The following VDAC3 variants were observed in gnomAD, a reference collection of about 807,000 sequenced individuals.
The protein encoded by VDAC3 is non-selective voltage-gated ion channel VDAC3.
In VDAC3, 7 loss-of-function variants were observed where a neutral mutation model predicts 33.9. That is an observed-to-expected ratio of 0.21 (90% CI 0.12 to 0.39). The LOEUF is 0.39. Ranked by LOEUF, VDAC3 falls within the 10% of genes least tolerant of loss-of-function variation. VDAC3 has a pLI of 1.00. For missense variants in VDAC3, 261 were observed against 334.5 expected, an observed-to-expected ratio of 0.78 and a Z score of 1.71; for synonymous variants, 100 against 122.4, an observed-to-expected ratio of 0.82 and a Z score of 1.21.
At position 42,398,860 on chromosome 8, in the gene VDAC3, A is replaced by G. The variant is rs983603854; in HGVS notation, c.266A>G (p.Asn89Ser). ...NTLGTEISWE[N>S]KLAEGLKLTL... is the part of the protein sequence containing the mutation. ...CTAGGGACAGAAATCTCTTGGGAGA[A>G]TAAGGTAAGAGAACGCATTAGAAGT... The change falls in exon 5 of 10, where the codon AAT (asparagine) becomes AGT (serine). Residue 89 changes from asparagine (N) to serine (S), a missense_variant. Transcript: ENST00000022615. The G allele has an allele frequency of 6.2e-7, 1 of 1,613,500 alleles. No homozygotes were observed. The highest frequency in any genetic ancestry group is 8.5e-7 in the Non-Finnish European group (1 of 1,179,896).
Position 42,405,431 on chromosome 8 carries a change from A to G in VDAC3, c.821A>G (p.Lys274Arg), listed in dbSNP as rs1424777554. The G allele has an allele frequency of 1.2e-6, 2 of 1,612,494 alleles. No individual in the cohort carries two copies. Among genetic ancestry groups the G allele is most frequent in the Admixed American group, 1.7e-5 (1 of 60,028 alleles). ...DGKNFSAGGH[K>R]VGLGFELEA ...AAGAACTTCAGTGCAGGAGGTCACA[A>G]GGTTGGCTTGGGATTTGAACTGGAA... The change falls in exon 10 of 10, where the codon AAG becomes AGG. Residue 274 changes from lysine to arginine, a missense_variant. Coordinates refer to ENST00000022615, the MANE Select transcript of VDAC3 (RefSeq NM_005662.7).
At chr8:42,404,752 C>T in intron 8 of VDAC3, 115 bp from the exon 9 acceptor site, 9 of 535,866 alleles carry the variant, frequency 1.7e-5, no homozygotes, top group Admixed American at 3.9e-5. Flanking sequence ...ATCAGTAATT[C>T]TAGATTGGCC....
intron 6 of VDAC3, among the ~76,000 whole-genome samples, chr8:42,401,010 A>G (rs893446837): frequency 6.6e-6 from 1 of 151,912 alleles, no homozygotes; most frequent in African/African-American, 2.4e-5. Flanking sequence ...GTTATTAAGA[A>G]CTAATTTCAT....
At chr8:42,395,614 G>T (rs1296262253) in intron 4 of VDAC3, among the ~76,000 whole-genome samples, 1 of 152,072 alleles carries the variant, frequency 6.6e-6, no homozygotes, top group Non-Finnish European at 1.5e-5. Flanking sequence ...TTTTTTATTG[G>T]AAGTAAAGAC....
At chr8:42,395,003 A>G in intron 3 of VDAC3, 81 bp from the exon 4 acceptor site, 1 of 1,535,098 alleles carries the variant, frequency 6.5e-7, no homozygotes, top group African/African-American at 1.4e-5. Context: ...ACTATAGGCT[A>G]TTTCATAATT....
At position 42,404,917 on chromosome 8, in the gene VDAC3, T is replaced by C. The variant is rs146645520; in HGVS notation, c.753T>C (p.Leu251=). 3.0e-4 allele frequency: 483 copies of C among 1,613,642 alleles called. 6 individuals are homozygous for C. In the South Asian group the frequency reaches 4.2e-3, roughly 14 times the overall value. ...TTGGACTGGGTTATACTCAGACCCT[T>C]CGACCAGGTAAGTAAAGGAATTAGT... ...SLIGLGYTQT[L]RPGVKLTLSA... The change falls in exon 9 of 10, where the codon CTT becomes CTC. Residue 251 remains leucine, a synonymous_variant. Transcript: ENST00000022615.
At position 42,404,277 on chromosome 8, in the gene VDAC3, A is replaced by C. The variant is rs139667864; in HGVS notation, c.703-590A>C. 3.5e-4 allele frequency among the ~76,000 whole-genome samples: 54 copies of C among 152,260 alleles called. No individual in the cohort carries two copies. In the East Asian group the frequency reaches 3.9e-3, roughly 11 times the overall value. ...ACCTAGGTCTGTTTTTCTGTCACCC[A>C]AGTTCATGCCGTAACCACTGTGAGA... is the stretch of plus-strand genomic sequence containing the variant. On this transcript the variant is annotated intron_variant, in intron 8 of 9. Transcript: ENST00000022615.
Position 42,401,940 on chromosome 8 carries a change from C to T in VDAC3, c.476C>T (p.Thr159Ile). Residue 159 changes from threonine (T) to isoleucine (I), a missense_variant, in exon 7 of 10, where the codon ACA becomes ATA. Transcript: ENST00000022615. ...GCTGGCTATCAGATGAGTTTTGACA[C>T]AGCCAAATCCAAACTGTCACAGAAT... is the stretch of plus-strand genomic sequence containing the variant. Reference protein sequence around the residue: ...WLAGYQMSFDTAKSKLSQNNF... With the variant: ...WLAGYQMSFDIAKSKLSQNNF... 10 of 1,614,214 alleles carry T rather than the reference C, an allele frequency of 6.2e-6. No individual in the cohort carries two copies. The highest frequency in any genetic ancestry group is 8.5e-6 in the Non-Finnish European group (10 of 1,180,048).
chr8:42,404,475 G>A (rs1203664752), intron 8 of VDAC3, among the ~76,000 whole-genome samples: 2 of 152,096 alleles, frequency 1.3e-5, no homozygotes, highest in Non-Finnish European at 2.9e-5. Flanking sequence ...TGTAATCCCA[G>A]CACTTTGGGA....
At chr8:42,399,519 A>G in intron 5 of VDAC3, 132 bp from the exon 6 acceptor site, 2 of 694,314 alleles carry the variant, frequency 2.9e-6, no homozygotes, top group Non-Finnish European at 4.7e-6. Flanking sequence ...CTTATTACAT[A>G]ATTTAATATT....
intron 4 of VDAC3, among the ~76,000 whole-genome samples, chr8:42,396,442 G>A (rs7818866): frequency 0.1 from 15,327 of 152,116 alleles, 1,875 homozygotes; most frequent in African/African-American, 0.29. Flanking sequence ...ATGATACTGT[G>A]TATAATCATG....
intron 4 of VDAC3, chr8:42,396,594 G>T: frequency 1.5e-6 from 1 of 670,296 alleles, no homozygotes; most frequent in Admixed American, 2.6e-5. Flanking sequence ...TCCAGAATTT[G>T]CTCATTAGGT....
rs755116966 is a variant in VDAC3 at position 42,401,860 on chromosome 8, T to C, written c.396T>C (p.Asp132=). The C allele has an allele frequency of 1.9e-6, 3 of 1,614,060 alleles. No individual in the cohort carries two copies. Among genetic ancestry groups the C allele is most frequent in the Non-Finnish European group, 8.5e-7 (1 of 1,180,036 alleles). ...GTGTTGGCAGTAATGTTGATATAGA[T>C]TTTTCTGGACCAACCATCTATGGCT... is the stretch of plus-strand genomic sequence containing the variant. ...CFSVGSNVDI[D]FSGPTIYGWA... is the part of the protein sequence containing the mutation. The change falls in exon 7 of 10, where the codon GAT becomes GAC. Residue 132 remains aspartate, a synonymous_variant. Coordinates refer to ENST00000022615, the MANE Select transcript of VDAC3 (RefSeq NM_005662.7).
intron 4 of VDAC3, chr8:42,396,558 A>T (rs1238173827): frequency 7.7e-6 from 5 of 648,460 alleles, no homozygotes; most frequent in South Asian, 1.8e-5. Context: ...GTTAAAATAG[A>T]AGAATCATTC....
At chr8:42,405,029 C>T in intron 9 of VDAC3, 105 bp downstream of exon 9, 3 of 1,041,674 alleles carry the variant, frequency 2.9e-6, no homozygotes, top group South Asian at 1.4e-5. Flanking sequence ...TTGATTTGGA[C>T]CATTTTGTAA....
chr8:42,403,662 G>A (rs1201565448), intron 8 of VDAC3, among the ~76,000 whole-genome samples: 1 of 152,190 alleles, frequency 6.6e-6, no homozygotes, highest in Non-Finnish European at 1.5e-5. Context: ...AATCACCTGA[G>A]GTCAGGAGTT....
chr8:42,404,124 C>T (rs796285771), intron 8 of VDAC3, among the ~76,000 whole-genome samples: 17 of 152,254 alleles, frequency 1.1e-4, no homozygotes, highest in African/African-American at 3.9e-4. Flanking sequence ...TGTCATTTAA[C>T]GCTCACAACC....
At chr8:42,398,573 G>A in intron 4 of VDAC3, 139 bp from the exon 5 acceptor site, 1 of 858,306 alleles carries the variant, frequency 1.2e-6, no homozygotes, top group Non-Finnish European at 1.7e-6. Context: ...GGGGAAAGGA[G>A]GAAAGAAGTT....
In VDAC3 at chr8:42,404,880, A is replaced by G. The variant is rs767359551; in HGVS notation, c.716A>G (p.Asn239Ser). ...TCTTAATCTTAGGCTAAAGTAAATAATGCCAGCCTGATTGGACTGGGTTAT... is the reference window on the plus strand; with the variant it reads ...TCTTAATCTTAGGCTAAAGTAAATAGTGCCAGCCTGATTGGACTGGGTTAT... Reference protein sequence around the residue: ...CRTSLSAKVNNASLIGLGYTQ... With the variant: ...CRTSLSAKVNSASLIGLGYTQ... Residue 239 changes from asparagine (N) to serine (S), a missense_variant, in exon 9 of 10, where the codon AAT becomes AGT. Transcript: ENST00000022615. 6.2e-7 allele frequency: 1 copy of G among 1,613,632 alleles called. No individual in the cohort carries two copies. The highest frequency in any genetic ancestry group is 1.1e-5 in the South Asian group (1 of 91,014).
Sources: allele counts gnomAD v4.1 joint callset (sites outside exome capture counted in the v4.1 genomes callset), GRCh38; gene constraint gnomAD v4.1.1; transcripts MANE v1.5; gene names NCBI Gene and HGNC (gene_info 2026-07-23, HGNC 2026-07-21).